The following MYO9B variants were observed in gnomAD, a reference collection of about 807,000 sequenced individuals.
MYO9B encodes unconventional myosin-IXb.
Under a neutral mutation model 229.5 loss-of-function variants are expected in MYO9B, and 71 were observed. That is an observed-to-expected ratio of 0.31 (90% CI 0.26 to 0.38). The LOEUF is 0.38. MYO9B is among the 10% of genes least tolerant of loss of function. The pLI is 1.00. For missense variants in MYO9B, 2,255 were observed against 2,920.5 expected (o/e 0.77, Z 5.25); for synonymous variants, 1,185 against 1,235.8 (o/e 0.96, Z 0.86).
chr19:17,113,587 G>A (rs967446023), intron 2 of MYO9B, among the ~76,000 whole-genome samples: 2 of 152,204 alleles, frequency 1.3e-5, no homozygotes, highest in African/African-American at 4.8e-5. Flanking sequence ...AAGGACAGAA[G>A]GAGGAGGTAC....
intron 14 of MYO9B, among the ~76,000 whole-genome samples, chr19:17,179,541 C>T (rs539085850): frequency 6.6e-6 from 1 of 150,668 alleles, no homozygotes; most frequent in East Asian, 2.0e-4. Context: ...ATTGTCGTGC[C>T]TCAGCCTCCG....
rs1345613587 is a variant in MYO9B at position 17,140,506 on chromosome 19, TG to T, written c.841-4890del. ...TAGGGTTAGATTTCTTTTTTTTTTT[TG>T]AGATGGAGTTCACTCTTATTGCCCA... is the stretch of plus-strand genomic sequence containing the variant. On this transcript the variant is annotated intron_variant, in intron 2 of 39. Coordinates refer to ENST00000682292, the MANE Select transcript of MYO9B (RefSeq NM_004145.4). Among the ~76,000 whole-genome samples the T allele has an allele frequency of 6.8e-3, 955 of 139,990 alleles. 8 individuals are homozygous for T. Among genetic ancestry groups the T allele is most frequent in the African/African-American group, 0.024 (892 of 36,762 alleles). The allele number at this position is 139,990 out of a possible 152,430, so 91.8% of individuals were successfully genotyped here. A position where few individuals can be genotyped will look rare whatever the true frequency, so the allele number is the denominator to read the frequency against.
At position 17,098,346 on chromosome 19, in the gene MYO9B, C is replaced by T. The variant is rs141247410; in HGVS notation, c.-58-3314C>T. ...CTCGGATTACAAGCGTGAGCGACCG[C>T]GCCTGGTCTTAGAACCCCTCTTAGA... On this transcript the variant is annotated intron_variant, in intron 1 of 39. Transcript: ENST00000682292. Among the ~76,000 whole-genome samples the T allele has an allele frequency of 2.8e-3, 433 of 152,316 alleles. 3 individuals are homozygous for T. Among genetic ancestry groups the T allele is most frequent in the African/African-American group, 9.7e-3 (404 of 41,576 alleles).
rs551040941 is a variant in MYO9B, at chr19:17,078,439, C to T, written c.-59+2565C>T. On this transcript the variant is annotated intron_variant, in intron 1 of 39. Coordinates refer to ENST00000682292, the MANE Select transcript of MYO9B (RefSeq NM_004145.4). ...CCTGTAGTCCCAGCTACTCTGGAGG[C>T]TGAGACAGGAGAATTGCTTGAACCC... 4.4e-3 allele frequency among the ~76,000 whole-genome samples: 671 copies of T among 152,272 alleles called. 5 individuals are homozygous for T. The highest frequency in any genetic ancestry group is 5.5e-3 in the Non-Finnish European group (374 of 68,024).
intron 2 of MYO9B, among the ~76,000 whole-genome samples, chr19:17,134,548 T>C (rs969607135): frequency 6.6e-6 from 1 of 151,660 alleles, no homozygotes; most frequent in Non-Finnish European, 1.5e-5. Flanking sequence ...CCCACCAACA[T>C]GCCCAGCTGA....
intron 3 of MYO9B, among the ~76,000 whole-genome samples, chr19:17,146,702 C>G (rs979213067): frequency 6.6e-6 from 1 of 152,148 alleles, no homozygotes; most frequent in Non-Finnish European, 1.5e-5. Flanking sequence ...TGGATAGATT[C>G]ATGGGTAAAT....
intron 20 of MYO9B, 65 bp downstream of exon 20, chr19:17,191,284 TCCCCAGGCCCCCAGGGCCACTCTCTG>T: frequency 6.5e-7 from 1 of 1,529,738 alleles, no homozygotes; most frequent in South Asian, 1.2e-5. Context: ...ACACCGTGTC[TCCCCAGGCCCCCAGGGCCACTCTCTG>T]AAACATACAG....
chr19:17,178,441 A>G (rs1443437409), intron 14 of MYO9B: 1 of 151,962 alleles, frequency 6.6e-6, no homozygotes, highest in Non-Finnish European at 1.5e-5. Flanking sequence ...CACGCCTACA[A>G]GAAAAAATAA....
chr19:17,089,211 G>A (rs2057613227), intron 1 of MYO9B, among the ~76,000 whole-genome samples: 1 of 151,854 alleles, frequency 6.6e-6, no homozygotes, highest in Admixed American at 6.6e-5. Context: ...GGCTGACTTT[G>A]TGGTCATTCC....
chr19:17,174,717 G>A (rs180809195), intron 13 of MYO9B, among the ~76,000 whole-genome samples: 3 of 152,074 alleles, frequency 2.0e-5, no homozygotes, highest in African/African-American at 7.2e-5. Flanking sequence ...GGTGGACCAC[G>A]AGGTCAGGCG....
chr19:17,114,149 A>G (rs1160642845), intron 2 of MYO9B, among the ~76,000 whole-genome samples: 5 of 152,192 alleles, frequency 3.3e-5, no homozygotes, highest in Non-Finnish European at 7.3e-5. Context: ...CCCCCAGTTG[A>G]GAACTGCTGT....
intron 1 of MYO9B, among the ~76,000 whole-genome samples, chr19:17,088,698 T>A (rs764596601): frequency 6.6e-5 from 10 of 151,968 alleles, no homozygotes; most frequent in Admixed American, 2.0e-4. Context: ...TGTGTGTGTG[T>A]GAGAGAGAGA....
chr19:17,198,350 G>GC, intron 24 of MYO9B, 42 bp downstream of exon 24: 1 of 1,608,866 alleles, frequency 6.2e-7, no homozygotes, highest in Non-Finnish European at 8.5e-7. Flanking sequence ...ACCAGAGGAT[G>GC]CCCGGGGTCC....
intron 9 of MYO9B, 28 bp downstream of exon 9, chr19:17,162,494 C>T (rs2072614651): frequency 6.5e-7 from 1 of 1,534,578 alleles, no homozygotes. Flanking sequence ...CTTCCTCAAG[C>T]CCGGCCAGGG....
At chr19:17,134,263 C>T (rs759001777) in intron 2 of MYO9B, among the ~76,000 whole-genome samples, 2 of 151,638 alleles carry the variant, frequency 1.3e-5, no homozygotes, top group Admixed American at 6.6e-5. Flanking sequence ...AAATTCTACA[C>T]GAGTGAGATC....
At chr19:17,210,584 T>C in intron 37 of MYO9B, 131 bp from the exon 38 acceptor site, 1 of 1,293,742 alleles carries the variant, frequency 7.7e-7, no homozygotes, top group Non-Finnish European at 1.0e-6. Flanking sequence ...TCCCATGGGA[T>C]TCCTAGAGAA....
At chr19:17,117,823 A>G (rs62127868) in intron 2 of MYO9B, among the ~76,000 whole-genome samples, 2 of 151,362 alleles carry the variant, frequency 1.3e-5, no homozygotes, top group Non-Finnish European at 2.9e-5. Flanking sequence ...CTGTAATCCC[A>G]GCTACTGAGG....
chr19:17,196,820 GTGGA>G (rs959616847), intron 22 of MYO9B, among the ~76,000 whole-genome samples: 8 of 151,712 alleles, frequency 5.3e-5, no homozygotes, highest in Non-Finnish European at 2.9e-5. Context: ...GGCTGGGTGG[GTGGA>G]TGGATGGATG....
intron 2 of MYO9B, among the ~76,000 whole-genome samples, chr19:17,128,538 G>A (rs897619108): frequency 3.3e-5 from 5 of 152,220 alleles, no homozygotes; most frequent in Non-Finnish European, 5.9e-5. Context: ...TCCCTCAGGC[G>A]TCCTGGGACA....
Sources: gnomAD v4.1 joint callset for allele counts (sites outside exome capture counted in the v4.1 genomes callset) on GRCh38, gnomAD v4.1.1 for gene constraint, MANE v1.5 for transcripts, NCBI Gene and HGNC (gene_info 2026-07-23, HGNC 2026-07-21) for gene names.